The following PCDHGA3 variants were observed in gnomAD, a reference collection of about 807,000 sequenced individuals.
PCDHGA3 encodes the protein protocadherin gamma subfamily A, 3.
PCDHGA3 carries 40 observed loss-of-function variants against 58.5 expected under a neutral mutation model. That is an observed-to-expected ratio of 0.68 (90% CI 0.53 to 0.89). PCDHGA3 has a LOEUF of 0.89. PCDHGA3 is among the 40% of genes least tolerant of loss of function. The pLI is 0.00. For missense variants in PCDHGA3, 1,223 were observed against 1,195.9 expected, an observed-to-expected ratio of 1.02 and a Z score of -0.33; for synonymous variants, 530 against 525.7, an observed-to-expected ratio of 1.01 and a Z score of -0.11.
At chr5:141,376,195 C>T (rs1312737468) in intron 1 of PCDHGA3, 3 of 1,614,172 alleles carry the variant, frequency 1.9e-6, no homozygotes, top group Admixed American at 1.7e-5. Flanking sequence ...CCTGCGTCTT[C>T]CTGGCCTTCG....
rs1485856773 is a variant in PCDHGA3, at chr5:141,372,043, T to A, written c.2424+25586T>A. ...CTCAGCGCCAACGTGAGCCTGCGCG[T>A]GTTGGTGGACGACCGCAACGACAAT... On this transcript the variant is annotated intron_variant, in intron 1 of 3. Coordinates refer to ENST00000253812, the MANE Select transcript of PCDHGA3 (RefSeq NM_018916.4). The A allele has an allele frequency of 1.9e-6, 3 of 1,613,326 alleles. No individual in the cohort carries two copies. The highest frequency in any genetic ancestry group is 1.7e-5 in the Admixed American group (1 of 59,994).
intron 2 of PCDHGA3, among the ~76,000 whole-genome samples, chr5:141,498,191 A>G (rs2099782212): frequency 6.6e-6 from 1 of 152,270 alleles, no homozygotes; most frequent in African/African-American, 2.4e-5. Flanking sequence ...CAAATTAACC[A>G]GCTAAAGAAA....
intron 1 of PCDHGA3, chr5:141,357,610 C>A: frequency 6.2e-7 from 1 of 1,613,906 alleles, no homozygotes. Flanking sequence ...AAAAGGAGAC[C>A]CTAATCTTCA....
chr5:141,418,897 A>T, intron 1 of PCDHGA3: 1 of 1,613,980 alleles, frequency 6.2e-7, no homozygotes, highest in Non-Finnish European at 8.5e-7. Flanking sequence ...ACAGCCCAGA[A>T]ATAATCATCA....
At chr5:141,410,445 T>A in intron 1 of PCDHGA3, 1 of 1,614,060 alleles carries the variant, frequency 6.2e-7, no homozygotes. Flanking sequence ...GAGGGGACTT[T>A]GCCTTATTCT....
intron 1 of PCDHGA3, chr5:141,415,232 C>G (rs1329834276): frequency 3.1e-6 from 5 of 1,614,076 alleles, no homozygotes; most frequent in Non-Finnish European, 4.2e-6. Flanking sequence ...GAGTCTCCAG[C>G]TAACTCTGAA....
chr5:141,348,187 A>T (rs986108893), intron 1 of PCDHGA3, among the ~76,000 whole-genome samples: 1 of 152,254 alleles, frequency 6.6e-6, no homozygotes. Context: ...TAGAACTCAA[A>T]CAAAAGAATA....
chr5:141,483,573 G>A (rs2099583012), intron 1 of PCDHGA3, among the ~76,000 whole-genome samples: 1 of 152,072 alleles, frequency 6.6e-6, no homozygotes, highest in Non-Finnish European at 1.5e-5. Context: ...GTGAATTCTG[G>A]CATAAACACC....
At position 141,487,100 on chromosome 5, in the gene PCDHGA3, C is replaced by T. The variant is rs183291629; in HGVS notation, c.2425-7707C>T. On this transcript the variant is annotated intron_variant, in intron 1 of 3. Coordinates refer to ENST00000253812, the MANE Select transcript of PCDHGA3 (RefSeq NM_018916.4). The surrounding 1 kb of genome is among the most constrained non-coding windows in gnomAD (Gnocchi z 5.0). ...CCCAGCTGACCTCCCACCACAGAAG[C>T]TGGTCATTGTGGTAAAGGATAGTGG... The T allele has an allele frequency of 5.6e-4, 909 of 1,614,074 alleles. 2 individuals carry two copies. Among genetic ancestry groups the T allele is most frequent in the Non-Finnish European group, 1.4e-4 (168 of 1,179,960 alleles).
rs1200487646 is a variant in PCDHGA3, at chr5:141,410,571, C to T, written c.2424+64114C>T. 3 of 1,612,028 alleles carry T rather than the reference C, an allele frequency of 1.9e-6. No homozygotes were observed. The highest frequency in any genetic ancestry group is 2.5e-6 in the Non-Finnish European group (3 of 1,179,884). On this transcript the variant is annotated intron_variant, in intron 1 of 3. Coordinates refer to ENST00000253812, the MANE Select transcript of PCDHGA3 (RefSeq NM_018916.4). The stretch of plus-strand genomic sequence containing the variant: ...AGTGTTTCTCCTGGAGCCTTAATTC[C>T]ACCTCATGGTGGGGAGGATTTGACT...
chr5:141,356,131 G>C (rs1760119360), intron 1 of PCDHGA3: 1 of 1,613,690 alleles, frequency 6.2e-7, no homozygotes, highest in African/African-American at 1.3e-5. Flanking sequence ...AGATTATGAG[G>C]ACTCTGGATT....
At chr5:141,464,407 A>C (rs996561936) in intron 1 of PCDHGA3, among the ~76,000 whole-genome samples, 1 of 151,544 alleles carries the variant, frequency 6.6e-6, no homozygotes, top group Non-Finnish European at 1.5e-5. Flanking sequence ...CCTGAGATAT[A>C]TATATATCTA....
intron 1 of PCDHGA3, chr5:141,362,167 C>T: frequency 6.2e-7 from 1 of 1,614,044 alleles, no homozygotes; most frequent in Non-Finnish European, 8.5e-7. Flanking sequence ...CCTCAGCGAC[C>T]GCCGGGAGCC....
At chr5:141,389,525 CGT>C in intron 1 of PCDHGA3, 1 of 1,613,170 alleles carries the variant, frequency 6.2e-7, no homozygotes, top group Non-Finnish European at 8.5e-7. Context: ...TGAGCCTGCG[CGT>C]GTTAGTGGAC....
chr5:141,355,102 C>A, intron 1 of PCDHGA3: 1 of 1,501,220 alleles, frequency 6.7e-7, no homozygotes, highest in Middle Eastern at 2.5e-4. Context: ...AGAGCTCTGG[C>A]TGTGAATGCA....
At chr5:141,433,605 G>A (rs1411907056) in intron 1 of PCDHGA3, among the ~76,000 whole-genome samples, 1 of 152,114 alleles carries the variant, frequency 6.6e-6, no homozygotes, top group South Asian at 2.1e-4. Context: ...GGAGGCCGAG[G>A]CGGGTGGATC....
intron 1 of PCDHGA3, among the ~76,000 whole-genome samples, chr5:141,459,221 G>A (rs1028895845): frequency 9.2e-5 from 14 of 152,154 alleles, no homozygotes; most frequent in African/African-American, 3.1e-4. Flanking sequence ...TCCAGCTCCA[G>A]GCAACAACTG....
chr5:141,391,882 A>C (rs2092435224), intron 1 of PCDHGA3: 1 of 152,226 alleles, frequency 6.6e-6, no homozygotes, highest in Middle Eastern at 3.2e-3. Flanking sequence ...CTTTGGTGAA[A>C]GGGATGGGAT....
chr5:141,424,076 A>C, intron 1 of PCDHGA3: 2 of 979,452 alleles, frequency 2.0e-6, no homozygotes, highest in Non-Finnish European at 2.5e-6. Flanking sequence ...TTGTAGTTAT[A>C]TTCCACCATT....
Sources: gnomAD v4.1 joint callset for allele counts (sites outside exome capture counted in the v4.1 genomes callset) on GRCh38, gnomAD v4.1.1 for gene constraint, Gnocchi (gnomAD v3.1) non-coding constraint, MANE v1.5 for transcripts, NCBI Gene and HGNC (gene_info 2026-07-23, HGNC 2026-07-21) for gene names.